MYH8: variants seen among roughly 807,000 people sequenced by gnomAD.
MYH8 encodes the protein myosin-8.
Under a neutral mutation model 233.2 loss-of-function variants are expected in MYH8, and 168 were observed. That is an observed-to-expected ratio of 0.72 (90% CI 0.64 to 0.82). The LOEUF (loss-of-function observed/expected upper bound fraction) is 0.82. Ranked by LOEUF, MYH8 falls within the 40% of genes least tolerant of loss-of-function variation. The probability of loss-of-function intolerance (pLI) is 0.00; values close to 1 mark genes in which losing one functional copy is unlikely to be tolerated. For synonymous variants in MYH8, 785 were observed against 850.6 expected (o/e 0.92, Z 1.34); for missense variants, 1,995 against 2,327.8 (o/e 0.86, Z 2.94).
In MYH8 at chr17:10,390,341, G is replaced by A; in HGVS notation, c.*113C>T. ...GTCCGGTTTAATGTATACATTTACT[G>A]TAGTTTTTATTTATTCAGCTTTAAC... On this transcript the variant is annotated 3_prime_UTR_variant, in exon 40 of 40. Transcript: ENST00000403437. The A allele has an allele frequency of 7.3e-7, 1 of 1,375,970 alleles. No homozygotes were observed. The highest frequency in any genetic ancestry group is 1.0e-6 in the Non-Finnish European group (1 of 967,236). 85.2% of individuals were successfully genotyped at this position (1,375,970 alleles called of 1,614,324 possible). A position where few individuals can be genotyped will look rare whatever the true frequency, so the allele number is the denominator to read the frequency against.
At chr17:10,406,011 T>G (rs373455274) in intron 21 of MYH8, 30 bp downstream of exon 21, 65 of 1,611,616 alleles carry the variant, frequency 4.0e-5, no homozygotes, top group Non-Finnish European at 5.4e-5. Flanking sequence ...TAAGGGACCT[T>G]ATAATTCTGA....
chr17:10,412,767 G>T, intron 12 of MYH8, 39 bp from the exon 13 acceptor site: 1 of 1,486,646 alleles, frequency 6.7e-7, no homozygotes, highest in Non-Finnish European at 9.4e-7. Context: ...TTTCATGAAG[G>T]ATATCCTCTT....
chr17:10,392,795 T>A, intron 37 of MYH8, 36 bp downstream of exon 37: 2 of 1,614,138 alleles, frequency 1.2e-6, no homozygotes, highest in Non-Finnish European at 1.7e-6. Flanking sequence ...AGTGCCCTTT[T>A]TCCCTTCCCA....
Position 10,404,388 on chromosome 17 carries a change from T to C in MYH8, c.2630A>G (p.Glu877Gly), listed in dbSNP as rs2072169983. 2.5e-6 allele frequency: 4 copies of C among 1,613,958 alleles called. No homozygotes were observed. In the Admixed American group the frequency reaches 5.0e-5, roughly 20 times the overall value. ...TTTTAAGAGAGTGACCATTTTTTCCTCTAGCTCCTTCCGTTTTGCCTCTGA... is the reference window on the plus strand; with the variant it reads ...TTTTAAGAGAGTGACCATTTTTTCCCCTAGCTCCTTCCGTTTTGCCTCTGA... Reference protein sequence around the residue: ...AKSEAKRKELEEKMVTLLKEK... With the variant: ...AKSEAKRKELGEKMVTLLKEK... Residue 877 changes from glutamate (E) to glycine (G), a missense_variant, in exon 22 of 40, where the codon GAG becomes GGG. Glu to Gly is a moderately conservative substitution (Grantham distance 98). Coordinates refer to ENST00000403437, the MANE Select transcript of MYH8 (RefSeq NM_002472.3).
At position 10,392,078 on chromosome 17, in the gene MYH8, G is replaced by A. The variant is rs111693978; in HGVS notation, c.5569-101C>T. ...TGGCATGATGGCAGGTGGGCCTGGG[G>A]TAAACTTGATCAACTCTGAGATTTT... is the stretch of plus-strand genomic sequence containing the variant. On this transcript the variant is annotated intron_variant, in intron 38 of 39. Transcript: ENST00000403437. 6.2e-4 allele frequency: 583 copies of A among 940,822 alleles called. 2 individuals are homozygous for A. The African/African-American group carries it at 8.5e-3, about 14-fold the overall frequency. The allele number at this position is 940,822 out of a possible 1,614,324, so 58.3% of individuals were successfully genotyped here.
rs1459405999 is a variant in MYH8, at chr17:10,400,730, C to T, written c.3395G>A (p.Arg1132Gln). 3.1e-6 allele frequency: 5 copies of T among 1,614,044 alleles called. No individual in the cohort carries two copies. The highest frequency in any genetic ancestry group is 2.2e-5 in the East Asian group (1 of 44,896). Residue 1132 changes from arginine to glutamine, a missense_variant, in exon 27 of 40, where the codon CGA (arginine) becomes CAA (glutamine). Arg to Gln is a conservative substitution (Grantham distance 43, BLOSUM62 1). Transcript: ENST00000403437. The surrounding 1 kb of genome is among the most constrained non-coding windows in gnomAD (Gnocchi z 4.0). ...AGAGCGCTGCTTCTCCGCTTTGGCT[C>T]GGGACGCCCTCTCTGCCTCGATTTC... Reference protein sequence around the residue: ...GEEIEAERASRAKAEKQRSDL... With the variant: ...GEEIEAERASQAKAEKQRSDL...
Position 10,390,349 on chromosome 17 carries a change from T to C in MYH8, c.*105A>G. ...TAATGTATACATTTACTGTAGTTTTTATTTATTCAGCTTTAACAGGAAAAT... is the reference window on the plus strand; with the variant it reads ...TAATGTATACATTTACTGTAGTTTTCATTTATTCAGCTTTAACAGGAAAAT... On this transcript the variant is annotated 3_prime_UTR_variant, in exon 40 of 40. Transcript: ENST00000403437. 1 of 1,461,706 alleles carries C rather than the reference T, an allele frequency of 6.8e-7. No homozygotes were observed. The highest frequency in any genetic ancestry group is 1.1e-5 in the South Asian group (1 of 87,170). 90.5% of individuals were successfully genotyped at this position (1,461,706 alleles called of 1,614,324 possible). A position where few individuals can be genotyped will look rare whatever the true frequency, so the allele number is the denominator to read the frequency against.
In MYH8 at chr17:10,395,113, G is replaced by A. The variant is rs1234920207; in HGVS notation, c.4962+20C>T. 1.9e-6 allele frequency: 3 copies of A among 1,612,216 alleles called. No homozygotes were observed. The highest frequency in any genetic ancestry group is 2.5e-6 in the Non-Finnish European group (3 of 1,179,874). ...GTACTTTCCCTGCTTCATCTGGGAG[G>A]CGAATGTGGACCCGTTTACCTTCAG... On this transcript the variant is annotated intron_variant, in intron 34 of 39. Transcript: ENST00000403437.
chr17:10,412,973 G>T (rs1191701079), intron 12 of MYH8, among the ~76,000 whole-genome samples: 1 of 152,206 alleles, frequency 6.6e-6, no homozygotes, highest in Non-Finnish European at 1.5e-5. Context: ...GTAAACATAT[G>T]TAGTATTTAT....
In MYH8 at chr17:10,390,444, G is replaced by A; in HGVS notation, c.*10C>T. On this transcript the variant is annotated 3_prime_UTR_variant, in exon 40 of 40. Coordinates refer to ENST00000403437, the MANE Select transcript of MYH8 (RefSeq NM_002472.3). ...TTCTTCAGCCTCTTGATAGCATCAGGCAGGTGTGTTTACTCTGCACTGATT... is the reference window on the plus strand; with the variant it reads ...TTCTTCAGCCTCTTGATAGCATCAGACAGGTGTGTTTACTCTGCACTGATT... 6.2e-7 allele frequency: 1 copy of A among 1,612,952 alleles called. No homozygotes were observed.
At chr17:10,410,987 T>G in intron 14 of MYH8, 40 bp from the exon 15 acceptor site, 2 of 1,613,896 alleles carry the variant, frequency 1.2e-6, no homozygotes, top group South Asian at 2.2e-5. Context: ...CAAATGAGTT[T>G]TATAGTAGTA....
chr17:10,406,473 T>C, intron 19 of MYH8, 76 bp from the exon 20 acceptor site: 3 of 1,585,024 alleles, frequency 1.9e-6, no homozygotes, highest in Non-Finnish European at 2.6e-6. Context: ...AAAAGAAATA[T>C]CAACAAACAT....
At position 10,415,049 on chromosome 17, in the gene MYH8, G is replaced by C; in HGVS notation, c.805+67C>G. The C allele has an allele frequency of 6.8e-7, 1 of 1,477,664 alleles. No individual in the cohort carries two copies. Among genetic ancestry groups the C allele is most frequent in the South Asian group, 1.1e-5 (1 of 88,424 alleles). The allele number at this position is 1,477,664 out of a possible 1,614,324, so 91.5% of individuals were successfully genotyped here. On this transcript the variant is annotated intron_variant, in intron 9 of 39. Coordinates refer to ENST00000403437, the MANE Select transcript of MYH8 (RefSeq NM_002472.3). The surrounding 1 kb of genome is among the most constrained non-coding windows in gnomAD (Gnocchi z 4.1). Reference sequence around the variant, plus strand: ...ACAGGCTTCATGCACAGCAAGGGTGGCAAAATATCCCTGCAAATGAAATCA... The same window carrying C: ...ACAGGCTTCATGCACAGCAAGGGTGCCAAAATATCCCTGCAAATGAAATCA...
chr17:10,392,444 G>A (rs550066646), intron 38 of MYH8, 98 bp downstream of exon 38: 54 of 1,079,422 alleles, frequency 5.0e-5, no homozygotes, highest in South Asian at 1.9e-4. Context: ...AAGTTAATGC[G>A]TATTTGTTTG....
chr17:10,410,056 C>T (rs1330190803), intron 15 of MYH8, among the ~76,000 whole-genome samples: 3 of 152,164 alleles, frequency 2.0e-5, no homozygotes, highest in Non-Finnish European at 4.4e-5. Context: ...GTAATCCCAA[C>T]ACTTTGGGAG....
chr17:10,390,726 TTAAATC>T, intron 39 of MYH8, 123 bp from the exon 40 acceptor site: 3 of 1,139,034 alleles, frequency 2.6e-6, no homozygotes, highest in South Asian at 2.6e-5. Flanking sequence ...ATATCCGACT[TTAAATC>T]TAAACAGAGT....
chr17:10,414,414 G>T lies in MYH8; in HGVS notation c.876C>A (p.Ile292=). ...AERSYHIFYQ[I]TSNKKPDLIE... Reference sequence around the variant, plus strand: ...TTAGATCTGGCTTCTTATTGGAAGTGATCTGATAAAAAATATGGTAGCTTC... The same window carrying T: ...TTAGATCTGGCTTCTTATTGGAAGTTATCTGATAAAAAATATGGTAGCTTC... The change falls in exon 10 of 40, where the codon ATC becomes ATA. Residue 292 remains isoleucine (I), a synonymous_variant. Transcript: ENST00000403437. The T allele has an allele frequency of 6.2e-7, 1 of 1,613,122 alleles. No individual in the cohort carries two copies. The highest frequency in any genetic ancestry group is 1.1e-5 in the South Asian group (1 of 91,050).
intron 21 of MYH8, 141 bp from the exon 22 acceptor site, chr17:10,404,726 T>C: frequency 1.3e-6 from 1 of 776,956 alleles, no homozygotes; most frequent in Non-Finnish European, 2.0e-6. Context: ...ATGCAGGCTT[T>C]ACACACACAC....
chr17:10,415,216 CAAAG>C lies in MYH8; in HGVS notation c.742-41_742-38del. On this transcript the variant is annotated intron_variant, in intron 8 of 39. Transcript: ENST00000403437. This position sits in a 1 kb window ranked among gnomAD's most constrained non-coding sequence, Gnocchi z 4.1. ...TATTTAGTATTAGAAAACTGAAACA[CAAAG>C]AGAGATGCAAATGAAATAATAATTC... 1.9e-6 allele frequency: 3 copies of C among 1,605,032 alleles called. No homozygotes were observed. Among genetic ancestry groups the C allele is most frequent in the Non-Finnish European group, 2.6e-6 (3 of 1,171,830 alleles).
Sources: gnomAD v4.1 joint callset for allele counts (sites outside exome capture counted in the v4.1 genomes callset) on GRCh38, gnomAD v4.1.1 for gene constraint, Gnocchi (gnomAD v3.1) non-coding constraint, MANE v1.5 for transcripts, NCBI Gene and HGNC (gene_info 2026-07-23, HGNC 2026-07-21) for gene names.